Variants in CCSER1 observed in about 807,000 individuals in gnomAD.
CCSER1 encodes serine-rich coiled-coil domain-containing protein 1.
Under a neutral mutation model 82.0 loss-of-function variants are expected in CCSER1, and 41 were observed. That is an observed-to-expected ratio of 0.50 (90% confidence interval 0.39 to 0.65). The LOEUF (loss-of-function observed/expected upper bound fraction) is 0.65. Among genes scored for constraint, CCSER1 ranks in the 30% least tolerant of loss-of-function variants. CCSER1 has a pLI of 0.00. For synonymous variants in CCSER1, 414 were observed against 383.9 expected, an observed-to-expected ratio of 1.08 and a Z score of -0.92; for missense variants, 1,119 against 1,064.2, an observed-to-expected ratio of 1.05 and a Z score of -0.72.
chr4:91,000,298 C>A (rs2150474839), intron 9 of CCSER1, among the ~76,000 whole-genome samples: 1 of 151,876 alleles, frequency 6.6e-6, no homozygotes, highest in East Asian at 1.9e-4. Context: ...AGGTTACATA[C>A]TACATTATAA....
At chr4:91,077,356 C>T (rs1185345731) in intron 9 of CCSER1, among the ~76,000 whole-genome samples, 2 of 152,062 alleles carry the variant, frequency 1.3e-5, no homozygotes, top group Non-Finnish European at 2.9e-5. Flanking sequence ...AATCAATGCA[C>T]CTAAATGTAA....
chr4:90,445,752 G>T (rs533236306), intron 4 of CCSER1, among the ~76,000 whole-genome samples: 4 of 152,176 alleles, frequency 2.6e-5, no homozygotes, highest in African/African-American at 9.6e-5. Context: ...TTCCCTATTA[G>T]ATAGCATGAC....
At chr4:91,279,049 G>T (rs974926680) in intron 10 of CCSER1, among the ~76,000 whole-genome samples, 10 of 151,472 alleles carry the variant, frequency 6.6e-5, no homozygotes, top group Admixed American at 1.3e-4. Context: ...GTCCTTGGCC[G>T]CCAGGTTTAT....
chr4:91,227,196 T>G (rs903351710), intron 10 of CCSER1, among the ~76,000 whole-genome samples: 1 of 151,916 alleles, frequency 6.6e-6, no homozygotes, highest in Admixed American at 6.6e-5. Flanking sequence ...TATAATGCAT[T>G]AATGCTAGTT....
chr4:90,135,833 C>T (rs1222315684), intron 1 of CCSER1, among the ~76,000 whole-genome samples: 3 of 152,166 alleles, frequency 2.0e-5, no homozygotes, highest in Non-Finnish European at 4.4e-5. Flanking sequence ...TAATCATGCA[C>T]CTCTTATTGG....
At position 90,529,706 on chromosome 4, in the gene CCSER1, C is replaced by T. The variant is rs552046672; in HGVS notation, c.1724+61352C>T. Among the ~76,000 whole-genome samples, 32 of 152,098 alleles carry T rather than the reference C, an allele frequency of 2.1e-4. No individual in the cohort carries two copies. The South Asian group carries it at 6.0e-3, about 29-fold the overall frequency. The stretch of plus-strand genomic sequence containing the variant: ...CCATTAGCTGTTTATCAACATTTAA[C>T]GAAATGTGGATGTTCAATTTCTTAA... On this transcript the variant is annotated intron_variant, in intron 5 of 10. Transcript: ENST00000509176.
At chr4:90,400,640 T>C (rs1378175260) in intron 4 of CCSER1, among the ~76,000 whole-genome samples, 6 of 151,688 alleles carry the variant, frequency 4.0e-5, no homozygotes, top group Non-Finnish European at 8.8e-5. Context: ...TACACACACA[T>C]AGAGTTAGAG....
chr4:91,299,634 A>T (rs1744504380), intron 10 of CCSER1, among the ~76,000 whole-genome samples: 1 of 151,976 alleles, frequency 6.6e-6, no homozygotes, highest in Admixed American at 6.6e-5. Flanking sequence ...AAATAAGAAA[A>T]TAGTACTACA....
rs1170927227 is a variant in CCSER1 at position 91,595,943 on chromosome 4, T to TAA, written c.2218-2606_2218-2605dup. Among the ~76,000 whole-genome samples the TAA allele has an allele frequency of 6.8e-3, 537 of 78,770 alleles. 3 individuals carry two copies. The highest frequency in any genetic ancestry group is 0.022 in the African/African-American group (410 of 18,844). The allele number at this position is 78,770 out of a possible 152,430, so 51.7% of individuals were successfully genotyped here. ...ATAATAGTAAATATCACAGAGAACT[T>TAA]AAAAAAAAAAAAAAAAAAAAAAAAC... On this transcript the variant is annotated intron_variant, in intron 10 of 10. Transcript: ENST00000509176.
intron 10 of CCSER1, among the ~76,000 whole-genome samples, chr4:91,400,882 G>T (rs1752274931): frequency 1.3e-5 from 2 of 151,598 alleles, no homozygotes; most frequent in African/African-American, 4.8e-5. Context: ...TAAGAAAAAA[G>T]GGCACAGTGG....
chr4:90,263,700 G>A (rs1724739141), intron 1 of CCSER1, among the ~76,000 whole-genome samples: 1 of 152,134 alleles, frequency 6.6e-6, no homozygotes, highest in African/African-American at 2.4e-5. Context: ...AGTGGGATTT[G>A]AGCTTGCCCT....
chr4:91,302,463 C>A (rs971694730), intron 10 of CCSER1, among the ~76,000 whole-genome samples: 3 of 151,976 alleles, frequency 2.0e-5, no homozygotes, highest in African/African-American at 7.2e-5. Context: ...ATAATCACTT[C>A]TTGACTGATC....
intron 10 of CCSER1, among the ~76,000 whole-genome samples, chr4:91,503,130 C>A (rs1166680282): frequency 6.6e-6 from 1 of 151,940 alleles, no homozygotes; most frequent in African/African-American, 2.4e-5. Flanking sequence ...ATCACGAGGT[C>A]AGGAGATCGA....
rs186115830 is a variant in CCSER1 at position 90,755,727 on chromosome 4, A to G, written c.2010+31736A>G. ...CAAAACACTGTATACTGTGATTTGT[A>G]TTAAATAAACAAAAACTTGAAACTT... On this transcript the variant is annotated intron_variant, in intron 7 of 10. Coordinates refer to ENST00000509176, the MANE Select transcript of CCSER1 (RefSeq NM_001145065.2). Among the ~76,000 whole-genome samples the G allele has an allele frequency of 1.4e-3, 219 of 152,342 alleles. 1 individual carries two copies. Among genetic ancestry groups the G allele is most frequent in the Admixed American group, 3.5e-3 (53 of 15,292 alleles).
chr4:91,105,974 A>G (rs916599626), intron 10 of CCSER1, among the ~76,000 whole-genome samples: 1 of 152,080 alleles, frequency 6.6e-6, no homozygotes, highest in Admixed American at 6.6e-5. Flanking sequence ...CTTACTGGGG[A>G]TATTTTTAAA....
intron 5 of CCSER1, among the ~76,000 whole-genome samples, chr4:90,528,367 C>A (rs919484267): frequency 9.2e-5 from 14 of 152,118 alleles, no homozygotes; most frequent in Non-Finnish European, 1.6e-4. Context: ...GCTGCCCCAT[C>A]TTCTACCAGA....
At chr4:90,953,780 CATAGT>C (rs1733155578) in intron 9 of CCSER1, among the ~76,000 whole-genome samples, 1 of 151,732 alleles carries the variant, frequency 6.6e-6, no homozygotes, top group Admixed American at 6.6e-5. Flanking sequence ...TAATTTCATC[CATAGT>C]ATAGGTTTTG....
chr4:90,450,658 A>C (rs1196428881), intron 4 of CCSER1, among the ~76,000 whole-genome samples: 1 of 152,226 alleles, frequency 6.6e-6, no homozygotes, highest in Admixed American at 6.5e-5. Flanking sequence ...TAATGAATCC[A>C]AGAATCAATT....
intron 7 of CCSER1, among the ~76,000 whole-genome samples, chr4:90,809,609 C>T (rs76768449): frequency 0.19 from 29,533 of 151,802 alleles, 3,547 homozygotes; most frequent in South Asian, 0.29. Context: ...GATAAGTACA[C>T]TAAAATCCTA....
Sources: allele counts gnomAD v4.1 joint callset (sites outside exome capture counted in the v4.1 genomes callset), GRCh38; gene constraint gnomAD v4.1.1; transcripts MANE v1.5; gene names NCBI Gene and HGNC (gene_info 2026-07-23, HGNC 2026-07-21).